Variants in GPLD1 observed in about 807,000 individuals in gnomAD.
The protein encoded by GPLD1 is phosphatidylinositol-glycan-specific phospholipase D.
A neutral mutation model predicts 112.6 loss-of-function variants in GPLD1; 84 were observed. The observed-to-expected ratio is 0.75, with a 90% CI of 0.63 to 0.89. The LOEUF is 0.89. Among genes scored for constraint, GPLD1 ranks in the 40% least tolerant of loss-of-function variants. The pLI is 0.00. For missense variants in GPLD1, 1,044 were observed against 1,051.5 expected (o/e 0.99, Z 0.10); for synonymous variants, 386 against 403.8 (o/e 0.96, Z 0.53).
Position 24,433,214 on chromosome 6 carries a change from G to A in GPLD1, c.2409C>T (p.Ser803=). The part of the protein sequence containing the change: ...SPEASSRFGS[S]LITVRSKAKN... ...TTGCCTTGGACCTCACGGTGATGAG[G>A]GAGCTCCCAAACCTTGAGCTGGCCT... Residue 803 remains serine, a synonymous_variant, in exon 24 of 25, where the codon TCC becomes TCT. Coordinates refer to ENST00000230036, the MANE Select transcript of GPLD1 (RefSeq NM_001503.4). 2 of 1,613,250 alleles carry A rather than the reference G, an allele frequency of 1.2e-6. No individual in the cohort carries two copies. Among genetic ancestry groups the A allele is most frequent in the Non-Finnish European group, 1.7e-6 (2 of 1,179,230 alleles).
At chr6:24,438,966 T>C (rs9467156) in intron 20 of GPLD1, among the ~76,000 whole-genome samples, 33,364 of 152,040 alleles carry the variant, frequency 0.22, 3,869 homozygotes, top group Non-Finnish European at 0.25. Context: ...GTATTTTTAG[T>C]AGAGACAGGG....
intron 12 of GPLD1, among the ~76,000 whole-genome samples, chr6:24,458,877 C>A (rs1232099224): frequency 1.3e-4 from 19 of 143,120 alleles, no homozygotes; most frequent in South Asian, 2.2e-4. Context: ...GACTCTGTCT[C>A]AAAAAAAAAA....
At chr6:24,463,621 T>C (rs1763506088) in intron 10 of GPLD1, among the ~76,000 whole-genome samples, 1 of 152,210 alleles carries the variant, frequency 6.6e-6, no homozygotes, top group Non-Finnish European at 1.5e-5. Flanking sequence ...AGCACTATAC[T>C]TTCAAATAGA....
chr6:24,491,168 A>G (rs1431482881), upstream of GPLD1, among the ~76,000 whole-genome samples: 2 of 152,092 alleles, frequency 1.3e-5, no homozygotes, highest in Non-Finnish European at 2.9e-5. Flanking sequence ...CATCCATGCA[A>G]TGTGTGCAGG....
At chr6:24,478,116 A>G (rs1764082765) in intron 3 of GPLD1, among the ~76,000 whole-genome samples, 1 of 152,174 alleles carries the variant, frequency 6.6e-6, no homozygotes, top group Admixed American at 6.5e-5. Flanking sequence ...ACATTAAGCA[A>G]TGTTGCTCAA....
At chr6:24,474,599 G>C (rs1763945593) in intron 5 of GPLD1, among the ~76,000 whole-genome samples, 1 of 152,094 alleles carries the variant, frequency 6.6e-6, no homozygotes, top group African/African-American at 2.4e-5. Context: ...GTACACATTA[G>C]CCACTCTGCT....
In GPLD1 at chr6:24,487,345, GTCT is replaced by G. The variant is rs568069693; in HGVS notation, c.98-1218_98-1216del. Among the ~76,000 whole-genome samples, 358 of 147,044 alleles carry G rather than the reference GTCT, an allele frequency of 2.4e-3. 1 individual carries two copies. The highest frequency in any genetic ancestry group is 8.4e-3 in the African/African-American group (326 of 38,776). Reference sequence around the variant, plus strand: ...TTAGTAAATAAATGATGGAGTTTTGGTCTTCTTCTATGTAAAAAAATTCTCAGA... The same window carrying G: ...TTAGTAAATAAATGATGGAGTTTTGGTCTTCTATGTAAAAAAATTCTCAGA... On this transcript the variant is annotated intron_variant, in intron 1 of 24. Coordinates refer to ENST00000230036, the MANE Select transcript of GPLD1 (RefSeq NM_001503.4).
In GPLD1 at chr6:24,426,420, G is replaced by T. The variant is rs897113621; in HGVS notation, c.*2612C>A. 6.6e-6 allele frequency among the ~76,000 whole-genome samples: 1 copy of T among 152,132 alleles called. No homozygotes were observed. Among genetic ancestry groups the T allele is most frequent in the African/African-American group, 2.4e-5 (1 of 41,424 alleles). On this transcript the variant is annotated 3_prime_UTR_variant, in exon 25 of 25. Transcript: ENST00000230036. ...TATCAGTTGACCTTTTACAGTAGGAGTATAATTTACATTGTTTTTGACATT... is the reference window on the plus strand; with the variant it reads ...TATCAGTTGACCTTTTACAGTAGGATTATAATTTACATTGTTTTTGACATT...
At chr6:24,457,505 T>C (rs1478316625) in intron 12 of GPLD1, among the ~76,000 whole-genome samples, 3 of 152,130 alleles carry the variant, frequency 2.0e-5, no homozygotes, top group Non-Finnish European at 4.4e-5. Flanking sequence ...GAACAAGTCC[T>C]TTCAATGCAG....
chr6:24,494,746 C>T (rs377190112), intron 1 of GPLD1: 134 of 364,890 alleles, frequency 3.7e-4, no homozygotes, highest in Admixed American at 5.2e-4. Context: ...CCAACCCTCC[C>T]CCGGGAGAAG....
chr6:24,435,847 A>AAAAAAAAAAAAAAAG (rs1762562414), intron 22 of GPLD1: 1 of 146,870 alleles, frequency 6.8e-6, no homozygotes, highest in Non-Finnish European at 1.5e-5. Context: ...AAAAAAAAAA[A>AAAAAAAAAAAAAAAG]GTTAAATAAT....
In GPLD1 at chr6:24,426,503, C is replaced by G. The variant is rs1462828118; in HGVS notation, c.*2529G>C. ...GAAGCTTGCTTCCATTTTTGTGGGT[C>G]TTAACCTCCACCTGGTGCTTGCTAT... is the stretch of plus-strand genomic sequence containing the variant. On this transcript the variant is annotated 3_prime_UTR_variant, in exon 25 of 25. Transcript: ENST00000230036. 6.6e-6 allele frequency among the ~76,000 whole-genome samples: 1 copy of G among 152,074 alleles called. No homozygotes were observed. The highest frequency in any genetic ancestry group is 1.9e-4 in the East Asian group (1 of 5,200).
intron 11 of GPLD1, among the ~76,000 whole-genome samples, chr6:24,461,170 C>T (rs923563298): frequency 8.6e-5 from 13 of 152,002 alleles, no homozygotes; most frequent in African/African-American, 3.1e-4. Flanking sequence ...TCAGAAATGA[C>T]TGAAGTAGGG....
intron 7 of GPLD1, among the ~76,000 whole-genome samples, chr6:24,468,234 T>C (rs1052455955): frequency 2.6e-5 from 4 of 152,072 alleles, no homozygotes; most frequent in Non-Finnish European, 1.5e-5. Flanking sequence ...GTGAGATTGC[T>C]ACAAAGATTA....
At position 24,429,950 on chromosome 6, in the gene GPLD1, C is replaced by T. The variant is rs548228784; in HGVS notation, c.2437-832G>A. Among the ~76,000 whole-genome samples the T allele has an allele frequency of 8.5e-5, 13 of 152,254 alleles. No individual in the cohort carries two copies. In the East Asian group the frequency reaches 1.5e-3, roughly 18 times the overall value. Reference sequence around the variant, plus strand: ...TGAACCAAAGCTGGCACATGAGGTACGGGTGATCAAACTGGCTGACAGTAT... The same window carrying T: ...TGAACCAAAGCTGGCACATGAGGTATGGGTGATCAAACTGGCTGACAGTAT... On this transcript the variant is annotated intron_variant, in intron 24 of 24. Coordinates refer to ENST00000230036, the MANE Select transcript of GPLD1 (RefSeq NM_001503.4).
chr6:24,441,837 G>A (rs1363883322), intron 20 of GPLD1, among the ~76,000 whole-genome samples: 3 of 152,006 alleles, frequency 2.0e-5, no homozygotes, highest in African/African-American at 7.2e-5. Flanking sequence ...ACTGGGCCCC[G>A]CAAACTGTGT....
chr6:24,448,095 G>A, intron 16 of GPLD1, 39 bp downstream of exon 16: 1 of 1,611,112 alleles, frequency 6.2e-7, no homozygotes, highest in Non-Finnish European at 8.5e-7. Context: ...GATACAGCGA[G>A]TTCTAGGTTT....
intron 7 of GPLD1, 131 bp downstream of exon 7, chr6:24,472,451 C>T (rs1012943649): frequency 1.1e-4 from 62 of 583,464 alleles, no homozygotes; most frequent in Non-Finnish European, 1.8e-4. Context: ...TGCTAATATG[C>T]AATTTTACTT....
chr6:24,494,005 A>C (rs1240248800), upstream of GPLD1, among the ~76,000 whole-genome samples: 2 of 152,224 alleles, frequency 1.3e-5, no homozygotes, highest in Non-Finnish European at 2.9e-5. Flanking sequence ...CAGAGTCTTA[A>C]GCCCAAGTCT....
Sources: allele counts gnomAD v4.1 joint callset (sites outside exome capture counted in the v4.1 genomes callset), GRCh38; gene constraint gnomAD v4.1.1; transcripts MANE v1.5; gene names NCBI Gene and HGNC (gene_info 2026-07-23, HGNC 2026-07-21).